The following INTS10 variants were observed in gnomAD, a reference collection of about 807,000 sequenced individuals.
INTS10 encodes chromosome 8 open reading frame 35.
Under a neutral mutation model 94.4 loss-of-function variants are expected in INTS10, and 44 were observed. The ratio of observed to expected loss-of-function variants is 0.47; its 90% CI spans 0.37 to 0.60. INTS10 has a LOEUF of 0.60. Among genes scored for constraint, INTS10 ranks in the 20% least tolerant of loss-of-function variants. The probability of loss-of-function intolerance (pLI) is 0.00; values close to 1 mark genes in which losing one functional copy is unlikely to be tolerated. For missense variants in INTS10, 797 were observed against 868.7 expected, an observed-to-expected ratio of 0.92 and a Z score of 1.04; for synonymous variants, 341 against 320.7, an observed-to-expected ratio of 1.06 and a Z score of -0.68.
At position 19,845,780 on chromosome 8, in the gene INTS10, T is replaced by A. The variant is rs747408774; in HGVS notation, c.1959T>A (p.Asn653Lys). 2.5e-6 allele frequency: 4 copies of A among 1,612,886 alleles called. No homozygotes were observed. The highest frequency in any genetic ancestry group is 3.4e-6 in the Non-Finnish European group (4 of 1,178,850). Residue 653 changes from asparagine to lysine, a missense_variant, in exon 16 of 17, where the codon AAT (asparagine) becomes AAA (lysine). By Grantham distance (94) the Asn-to-Lys change is moderately conservative. Transcript: ENST00000397977. ...GGKIHLELLP[N>K]QGMLIKHHTV... is the part of the protein sequence containing the mutation. ...AAATTCATCTGGAATTACTACCCAA[T>A]CAAGGAATGCTGATCAAGTAAGCAT... is the stretch of plus-strand genomic sequence containing the variant.
At position 19,833,164 on chromosome 8, in the gene INTS10, C is replaced by T; in HGVS notation, c.1378-5C>T. 1.9e-6 allele frequency: 3 copies of T among 1,568,206 alleles called. No individual in the cohort carries two copies. Among genetic ancestry groups the T allele is most frequent in the Non-Finnish European group, 1.7e-6 (2 of 1,160,328 alleles). On this transcript the variant is annotated splice_region_variant and splice_polypyrimidine_tract_variant and intron_variant, in intron 11 of 16. Transcript: ENST00000397977. ...TTCCCCTCCTTGCTATTCTATCTTT[C>T]TTAGGGTCAATATAAAAAGGCGATA...
intron 12 of INTS10, among the ~76,000 whole-genome samples, chr8:19,836,657 T>C (rs2067687028): frequency 6.6e-6 from 1 of 152,264 alleles, no homozygotes; most frequent in Non-Finnish European, 1.5e-5. Context: ...TTATGCTCTA[T>C]ATCATACTCC....
chr8:19,840,984 G>C (rs2128800304), intron 13 of INTS10, among the ~76,000 whole-genome samples: 1 of 152,206 alleles, frequency 6.6e-6, no homozygotes, highest in East Asian at 1.9e-4. Context: ...AAACTGATTA[G>C]GTGGATAGGA....
intron 16 of INTS10, among the ~76,000 whole-genome samples, chr8:19,847,957 G>A (rs1270183536): frequency 6.6e-6 from 1 of 152,180 alleles, no homozygotes; most frequent in African/African-American, 2.4e-5. Flanking sequence ...AGCCTCTTAG[G>A]AAGGCTGCAG....
Position 19,823,413 on chromosome 8 carries a change from G to A in INTS10, c.636G>A (p.Arg212=). ...AAEFYINYVT[R]STQIENQHQG... ...AATTTTATATCAATTATGTCACTAG[G>A]TCTACTCAAATAGAAAATCAGCATC... The change falls in exon 6 of 17, where the codon AGG becomes AGA. Residue 212 remains arginine, a synonymous_variant. Transcript: ENST00000397977. 2 of 1,605,248 alleles carry A rather than the reference G, an allele frequency of 1.2e-6. No homozygotes were observed. The highest frequency in any genetic ancestry group is 2.7e-5 in the African/African-American group (2 of 74,760).
Position 19,843,246 on chromosome 8 carries a change from A to G in INTS10, c.1719+319A>G, listed in dbSNP as rs2068282167. Among the ~76,000 whole-genome samples, 1 of 152,218 alleles carries G rather than the reference A, an allele frequency of 6.6e-6. No individual in the cohort carries two copies. Among genetic ancestry groups the G allele is most frequent in the Admixed American group, 6.5e-5 (1 of 15,274 alleles). On this transcript the variant is annotated intron_variant, in intron 14 of 16. Transcript: ENST00000397977. The surrounding 1 kb of genome is among the most constrained non-coding windows in gnomAD (Gnocchi z 4.7). Reference sequence around the variant, plus strand: ...ATTAGCTACAAAGAAAGGGAATACAAATTGCGGTTAGGTTCATGGAGGGAT... The same window carrying G: ...ATTAGCTACAAAGAAAGGGAATACAGATTGCGGTTAGGTTCATGGAGGGAT...
At chr8:19,827,066 G>C (rs371328056) in intron 9 of INTS10, among the ~76,000 whole-genome samples, 1 of 152,204 alleles carries the variant, frequency 6.6e-6, no homozygotes, top group Non-Finnish European at 1.5e-5. Flanking sequence ...TTTGAAATCA[G>C]TGCTGAAAGG....
chr8:19,838,398 A>C (rs538144489), intron 13 of INTS10, among the ~76,000 whole-genome samples: 1 of 152,180 alleles, frequency 6.6e-6, no homozygotes, highest in Non-Finnish European at 1.5e-5. Context: ...AGAAAGAAAG[A>C]AAATAAATAA....
chr8:19,837,778 A>C (rs1157789323), intron 13 of INTS10, among the ~76,000 whole-genome samples: 2 of 152,230 alleles, frequency 1.3e-5, no homozygotes, highest in African/African-American at 4.8e-5. Context: ...AGTCAATGAA[A>C]TAGAAAACAA....
intron 9 of INTS10, among the ~76,000 whole-genome samples, chr8:19,829,124 T>A (rs562176193): frequency 6.6e-6 from 1 of 152,142 alleles, no homozygotes; most frequent in South Asian, 2.1e-4. Context: ...TATTTATTTA[T>A]TTTTTAGGTT....
rs1295753820 is a variant in INTS10 at position 19,843,281 on chromosome 8, G to A, written c.1719+354G>A. On this transcript the variant is annotated intron_variant, in intron 14 of 16. Transcript: ENST00000397977. The surrounding 1 kb of genome is among the most constrained non-coding windows in gnomAD (Gnocchi z 4.7). Reference sequence around the variant, plus strand: ...AGGTTCATGGAGGGATGATGAGTTTGTCATTGTAAAGATGTGCTAGATTAA... The same window carrying A: ...AGGTTCATGGAGGGATGATGAGTTTATCATTGTAAAGATGTGCTAGATTAA... Among the ~76,000 whole-genome samples, 3 of 152,192 alleles carry A rather than the reference G, an allele frequency of 2.0e-5. No homozygotes were observed. Among genetic ancestry groups the A allele is most frequent in the Non-Finnish European group, 4.4e-5 (3 of 68,032 alleles).
intron 2 of INTS10, chr8:19,818,588 T>C (rs2066124313): frequency 1.9e-6 from 1 of 519,026 alleles, no homozygotes; most frequent in Non-Finnish European, 3.5e-6. Context: ...ATTCTAGAAA[T>C]AATATGTGCT....
intron 1 of INTS10, 142 bp downstream of exon 1, chr8:19,817,808 C>G: frequency 9.3e-7 from 1 of 1,075,502 alleles, no homozygotes; most frequent in Non-Finnish European, 1.3e-6. Flanking sequence ...CCACCCCCTC[C>G]TCTCTCCCCT....
rs147195027 is a variant in INTS10, at chr8:19,818,728, G to C, written c.197+386G>C. 511 of 186,658 alleles carry C rather than the reference G, an allele frequency of 2.7e-3. 5 individuals are homozygous for C. The highest frequency in any genetic ancestry group is 0.012 in the African/African-American group (486 of 41,858). The allele number at this position is 186,658 out of a possible 1,614,324, so 11.6% of individuals were successfully genotyped here. A position where few individuals can be genotyped will look rare whatever the true frequency, so the allele number is the denominator to read the frequency against. ...TGCATAATACATAAATAAGGTTTTGGGGGGAAGGGGTTACAAAAGTGAGAA... is the reference window on the plus strand; with the variant it reads ...TGCATAATACATAAATAAGGTTTTGCGGGGAAGGGGTTACAAAAGTGAGAA... On this transcript the variant is annotated intron_variant, in intron 2 of 16. Coordinates refer to ENST00000397977, the MANE Select transcript of INTS10 (RefSeq NM_018142.4).
chr8:19,826,780 G>A (rs2128765724), intron 9 of INTS10, among the ~76,000 whole-genome samples: 1 of 152,334 alleles, frequency 6.6e-6, no homozygotes, highest in East Asian at 1.9e-4. Context: ...ACAGCTTGGT[G>A]GGGAGGGGCC....
intron 10 of INTS10, 107 bp downstream of exon 10, chr8:19,830,666 A>G (rs2067158980): frequency 4.7e-6 from 5 of 1,058,122 alleles, no homozygotes; most frequent in Admixed American, 4.7e-5. Context: ...ACAGTAGTTC[A>G]TGCATTTTTT....
rs1408042211 is a variant in INTS10 at position 19,843,310 on chromosome 8, T to G, written c.1719+383T>G. The stretch of plus-strand genomic sequence containing the variant: ...TTGTAAAGATGTGCTAGATTAAGCA[T>G]GTTAGGTGTTGAGATCAACACCAGT... On this transcript the variant is annotated intron_variant, in intron 14 of 16. Transcript: ENST00000397977. The surrounding 1 kb of genome is among the most constrained non-coding windows in gnomAD (Gnocchi z 4.7). Among the ~76,000 whole-genome samples the G allele has an allele frequency of 6.6e-6, 1 of 152,154 alleles. No individual in the cohort carries two copies. Among genetic ancestry groups the G allele is most frequent in the South Asian group, 2.1e-4 (1 of 4,828 alleles).
rs183936863 is a variant in INTS10, at chr8:19,845,911, C to G, written c.1976+114C>G. The G allele has an allele frequency of 1.3e-3, 850 of 667,580 alleles. 8 individuals are homozygous for G. In the African/African-American group the frequency reaches 0.013, roughly 10 times the overall value. The allele number at this position is 667,580 out of a possible 1,614,324, so 41.4% of individuals were successfully genotyped here. On this transcript the variant is annotated intron_variant, in intron 16 of 16. Transcript: ENST00000397977. ...AAATTTAATACAAAGGACTTTAAACCTGGTCTCTGTTATGATAGTTTGATT... is the reference window on the plus strand; with the variant it reads ...AAATTTAATACAAAGGACTTTAAACGTGGTCTCTGTTATGATAGTTTGATT...
chr8:19,821,628 A>T (rs1482760794), intron 4 of INTS10: 1 of 152,066 alleles, frequency 6.6e-6, no homozygotes, highest in East Asian at 1.9e-4. Flanking sequence ...GACACTAGTC[A>T]TTGGATTGAG....
Sources: gnomAD v4.1 joint callset for allele counts (sites outside exome capture counted in the v4.1 genomes callset) on GRCh38, gnomAD v4.1.1 for gene constraint, Gnocchi (gnomAD v3.1) non-coding constraint, MANE v1.5 for transcripts, NCBI Gene and HGNC (gene_info 2026-07-23, HGNC 2026-07-21) for gene names.